Variants in CLDN16 observed in about 807,000 individuals in gnomAD.
CLDN16 encodes the protein claudin-16.
A neutral mutation model predicts 24.6 loss-of-function variants in CLDN16; 13 were observed. The ratio of observed to expected loss-of-function variants is 0.53; its 90% confidence interval spans 0.34 to 0.84. The LOEUF is 0.84. Ranked by LOEUF, CLDN16 falls within the 40% of genes least tolerant of loss-of-function variation. The pLI is 0.01. For synonymous variants in CLDN16, 116 were observed against 106.7 expected, an observed-to-expected ratio of 1.09 and a Z score of -0.54; for missense variants, 298 against 292.7, an observed-to-expected ratio of 1.02 and a Z score of -0.13.
chr3:190,370,887 T>C (rs1326345560), intron 1 of CLDN16: 1 of 151,636 alleles, frequency 6.6e-6, no homozygotes, highest in Non-Finnish European at 1.5e-5. Flanking sequence ...CTTTCTCCTG[T>C]GCTAGATGAT....
At chr3:190,387,873 T>A (rs904262926), upstream of CLDN16, 7 of 556,746 alleles carry the variant, frequency 1.3e-5, no homozygotes, top group Non-Finnish European at 2.3e-5. Flanking sequence ...CCGTGTAGCC[T>A]TCTTCCGAGT....
At position 190,408,187 on chromosome 3, in the gene CLDN16, C is replaced by T. The variant is rs139281327; in HGVS notation, c.383-127C>T. 7.7e-6 allele frequency: 7 copies of T among 914,534 alleles called. No homozygotes were observed. The African/African-American group carries it at 1.1e-4, about 15-fold the overall frequency. The allele number at this position is 914,534 out of a possible 1,614,324, so 56.7% of individuals were successfully genotyped here. On this transcript the variant is annotated intron_variant, in intron 3 of 4. Transcript: ENST00000264734. ...AGAAGTGTCCGAAGTTCGGGTTGCC[C>T]ATGAATCCATGTTACTGTTTTTACC...
At chr3:190,392,023 T>C (rs1718690336) in intron 1 of CLDN16, among the ~76,000 whole-genome samples, 1 of 152,038 alleles carries the variant, frequency 6.6e-6, no homozygotes, top group South Asian at 2.1e-4. Flanking sequence ...TTCAATTGTA[T>C]AGTTGAACTC....
chr3:190,351,263 C>T (rs1717667205), intron 1 of CLDN16, among the ~76,000 whole-genome samples: 1 of 152,246 alleles, frequency 6.6e-6, no homozygotes, highest in East Asian at 1.9e-4. Context: ...GCCAAAAAAC[C>T]TCTTTTCTTT....
At chr3:190,329,701 T>C (rs1717141896) in intron 1 of CLDN16, among the ~76,000 whole-genome samples, 1 of 152,200 alleles carries the variant, frequency 6.6e-6, no homozygotes, top group Admixed American at 6.5e-5. Flanking sequence ...TAACCTGTGG[T>C]TATTTAACTT....
chr3:190,339,367 C>G (rs1307140383), intron 1 of CLDN16, among the ~76,000 whole-genome samples: 1 of 152,142 alleles, frequency 6.6e-6, no homozygotes, highest in Non-Finnish European at 1.5e-5. Context: ...ATACATTATT[C>G]TTCATTTGTG....
At chr3:190,334,216 G>A (rs563224436) in intron 1 of CLDN16, among the ~76,000 whole-genome samples, 2 of 152,312 alleles carry the variant, frequency 1.3e-5, no homozygotes, top group East Asian at 1.9e-4. Context: ...AAAACTATAC[G>A]TGTGTGTTTA....
chr3:190,352,210 C>T (rs1158965152), intron 1 of CLDN16, among the ~76,000 whole-genome samples: 1 of 151,806 alleles, frequency 6.6e-6, no homozygotes, highest in Non-Finnish European at 1.5e-5. Context: ...ATCAGGATAG[C>T]TTCTTTACAA....
chr3:190,408,313 G>C lies in CLDN16; in HGVS notation c.383-1G>C. The C allele has an allele frequency of 6.2e-7, 1 of 1,613,822 alleles. No homozygotes were observed. The highest frequency in any genetic ancestry group is 8.5e-7 in the Non-Finnish European group (1 of 1,179,760). On this transcript the variant is annotated splice_acceptor_variant, in intron 3 of 4. Coordinates refer to ENST00000264734, the MANE Select transcript of CLDN16 (RefSeq NM_006580.4). LOFTEE classifies it high-confidence loss of function. The stretch of plus-strand genomic sequence containing the variant: ...TTTGTAGCATCCTCCCTTTCTTTCA[G>C]GTACCCCAGGAATCATTGGCTCTGT...
At chr3:190,294,052 G>T in the CLDN16 span, among the ~76,000 whole-genome samples, 12 of 152,224 alleles carry the variant, frequency 7.9e-5, no homozygotes, top group African/African-American at 2.9e-4. Flanking sequence ...AGTCTTGACA[G>T]AATGTCAGGA....
the CLDN16 span, among the ~76,000 whole-genome samples, chr3:190,308,867 T>C: frequency 6.6e-6 from 1 of 152,168 alleles, no homozygotes; most frequent in African/African-American, 2.4e-5. Flanking sequence ...TTTGAACAGA[T>C]GATCCATTGG....
the CLDN16 span, among the ~76,000 whole-genome samples, chr3:190,314,533 T>C: frequency 1.3e-5 from 2 of 151,338 alleles, no homozygotes; most frequent in African/African-American, 4.9e-5. Context: ...TAGCTGGGAC[T>C]GCAGGCACGA....
intron 1 of CLDN16, among the ~76,000 whole-genome samples, chr3:190,328,125 A>C (rs1209186137): frequency 6.6e-6 from 1 of 151,986 alleles, no homozygotes; most frequent in Non-Finnish European, 1.5e-5. Context: ...CTACAAAAAA[A>C]AAAAAATAGC....
intron 1 of CLDN16, among the ~76,000 whole-genome samples, chr3:190,399,381 G>A (rs1251227631): frequency 6.6e-6 from 1 of 151,694 alleles, no homozygotes; most frequent in Non-Finnish European, 1.5e-5. Context: ...GCGTGGTGGC[G>A]CATGCCTGTA....
At chr3:190,347,116 G>A (rs1026037808) in intron 1 of CLDN16, among the ~76,000 whole-genome samples, 20 of 152,090 alleles carry the variant, frequency 1.3e-4, no homozygotes, top group African/African-American at 4.8e-4. Context: ...TATGTCCAAG[G>A]TCACAAAGCT....
At chr3:190,392,189 C>T (rs1035197374) in intron 1 of CLDN16, among the ~76,000 whole-genome samples, 18 of 151,400 alleles carry the variant, frequency 1.2e-4, no homozygotes, top group Admixed American at 1.1e-3. Flanking sequence ...GTGGAAGGAT[C>T]CTCCATTTTT....
chr3:190,363,099 T>C lies in CLDN16; in HGVS notation n.122-7794T>C, dbSNP rs1717935737. On this transcript the variant is annotated intron_variant and non_coding_transcript_variant, in intron 1 of 4. Transcript: ENST00000468220. ...AGAGACATCAATTACAACCATTCGATATTAATTCCAAGGGCACTAATTTTT... is the reference window on the plus strand; with the variant it reads ...AGAGACATCAATTACAACCATTCGACATTAATTCCAAGGGCACTAATTTTT... 7.9e-5 allele frequency among the ~76,000 whole-genome samples: 12 copies of C among 152,014 alleles called. 1 individual carries two copies. The highest frequency in any genetic ancestry group is 7.9e-4 in the Admixed American group (12 of 15,256).
At chr3:190,312,543 T>C in the CLDN16 span, among the ~76,000 whole-genome samples, 2 of 152,228 alleles carry the variant, frequency 1.3e-5, no homozygotes, top group Non-Finnish European at 2.9e-5. Flanking sequence ...ACATAGTATC[T>C]GTGGAGACAC....
At chr3:190,369,015 C>G (rs914789294) in intron 1 of CLDN16, among the ~76,000 whole-genome samples, 1 of 151,956 alleles carries the variant, frequency 6.6e-6, no homozygotes, top group African/African-American at 2.4e-5. Flanking sequence ...AAACATCTTT[C>G]AGCCTCTGAT....
Sources: allele counts gnomAD v4.1 joint callset (sites outside exome capture counted in the v4.1 genomes callset), GRCh38; gene constraint gnomAD v4.1.1; transcripts MANE v1.5; gene names NCBI Gene and HGNC (gene_info 2026-07-23, HGNC 2026-07-21).